The following EXOC4 variants were observed in gnomAD, a reference collection of about 807,000 sequenced individuals.
EXOC4 encodes the protein SEC8-like 1.
A neutral mutation model predicts 107.2 loss-of-function variants in EXOC4; 71 were observed. The observed-to-expected ratio is 0.66, with a 90% CI of 0.55 to 0.81. The LOEUF (loss-of-function observed/expected upper bound fraction) is 0.81. Among genes scored for constraint, EXOC4 ranks in the 30% least tolerant of loss-of-function variants. The pLI, the probability that EXOC4 is intolerant of heterozygous loss-of-function variation, is 0.00. For synonymous variants in EXOC4, 456 were observed against 441.2 expected (o/e 1.03, Z -0.42); for missense variants, 1,108 against 1,189.6 (o/e 0.93, Z 1.01).
chr7:133,578,405 G>T (rs1424285), intron 9 of EXOC4, among the ~76,000 whole-genome samples: 152,290 of 152,290 alleles, frequency 1, 76,145 homozygotes, highest in Non-Finnish European at 1. Context: ...ATGTGATTTT[G>T]GGATCTTAAG....
chr7:133,637,804 A>G (rs1802749438), intron 10 of EXOC4, among the ~76,000 whole-genome samples: 2 of 152,186 alleles, frequency 1.3e-5, no homozygotes, highest in Admixed American at 1.3e-4. Context: ...TGGAGATTAA[A>G]AAATTTCATT....
chr7:133,344,152 G>T (rs943216800), intron 5 of EXOC4, among the ~76,000 whole-genome samples: 4 of 151,532 alleles, frequency 2.6e-5, no homozygotes, highest in African/African-American at 9.7e-5. Flanking sequence ...TTTTCTGAGG[G>T]TCATCATTTT....
intron 11 of EXOC4, among the ~76,000 whole-genome samples, chr7:133,888,868 A>G (rs1330947481): frequency 6.6e-6 from 1 of 152,144 alleles, no homozygotes; most frequent in African/African-American, 2.4e-5. Flanking sequence ...ACTGGGGATG[A>G]TTATAGGATA....
At chr7:134,075,085 T>C in the EXOC4 span, among the ~76,000 whole-genome samples, 2 of 152,230 alleles carry the variant, frequency 1.3e-5, no homozygotes, top group African/African-American at 4.8e-5. Context: ...TCATGAAAAC[T>C]AGCCAAGGCA....
chr7:134,003,271 G>C (rs4731989), intron 15 of EXOC4, among the ~76,000 whole-genome samples: 28,903 of 152,082 alleles, frequency 0.19, 3,060 homozygotes, highest in East Asian at 0.42. Flanking sequence ...AAAAATAGAT[G>C]AGTGGTTGCC....
At chr7:134,048,205 A>G (rs1393325084) in intron 17 of EXOC4, among the ~76,000 whole-genome samples, 2 of 152,228 alleles carry the variant, frequency 1.3e-5, no homozygotes, top group Admixed American at 1.3e-4. Flanking sequence ...AGGTTTAACA[A>G]TAGTGATGTT....
chr7:133,749,931 T>C (rs1225558472), intron 10 of EXOC4, among the ~76,000 whole-genome samples: 2 of 150,772 alleles, frequency 1.3e-5, no homozygotes, highest in Non-Finnish European at 2.9e-5. Flanking sequence ...TCTCCCTTAT[T>C]GGGCTTCCTA....
chr7:133,529,778 A>C (rs1204152371), intron 9 of EXOC4, among the ~76,000 whole-genome samples: 1 of 152,194 alleles, frequency 6.6e-6, no homozygotes, highest in Non-Finnish European at 1.5e-5. Context: ...ACCATGTTAA[A>C]AATATCACTT....
intron 10 of EXOC4, among the ~76,000 whole-genome samples, chr7:133,776,915 T>C (rs1462156114): frequency 1.3e-5 from 2 of 152,164 alleles, no homozygotes; most frequent in Non-Finnish European, 2.9e-5. Flanking sequence ...CACTGCCATA[T>C]TAAAAATACG....
At chr7:133,463,206 A>G (rs1389405460) in intron 7 of EXOC4, among the ~76,000 whole-genome samples, 1 of 152,196 alleles carries the variant, frequency 6.6e-6, no homozygotes, top group Non-Finnish European at 1.5e-5. Flanking sequence ...GGTGATTTGG[A>G]GAACAAGACT....
chr7:133,589,720 T>C (rs1801495021), intron 9 of EXOC4, among the ~76,000 whole-genome samples: 1 of 152,204 alleles, frequency 6.6e-6, no homozygotes, highest in Non-Finnish European at 1.5e-5. Flanking sequence ...AATTAGGGCA[T>C]GAACAAGATT....
intron 10 of EXOC4, among the ~76,000 whole-genome samples, chr7:133,729,903 G>A (rs1795290961): frequency 6.6e-6 from 1 of 151,732 alleles, no homozygotes; most frequent in Non-Finnish European, 1.5e-5. Flanking sequence ...CCAGTCTCTT[G>A]GTCAAAGGTA....
At chr7:133,485,039 CACTGTACTCCA>C (rs1288283562) in intron 9 of EXOC4, among the ~76,000 whole-genome samples, 1 of 143,448 alleles carries the variant, frequency 7.0e-6, no homozygotes. Flanking sequence ...GAGATCGCGC[CACTGTACTCCA>C]ACCTGGGAGA....
At chr7:133,702,033 C>G (rs907200931) in intron 10 of EXOC4, among the ~76,000 whole-genome samples, 1 of 117,136 alleles carries the variant, frequency 8.5e-6, no homozygotes, top group Non-Finnish European at 1.6e-5. Flanking sequence ...CAGTATCTCC[C>G]TCTGTCACCC....
chr7:133,885,090 C>T (rs1292027975), intron 11 of EXOC4, among the ~76,000 whole-genome samples: 2 of 151,960 alleles, frequency 1.3e-5, no homozygotes, highest in African/African-American at 2.4e-5. Context: ...CCGAGACAGG[C>T]GGATCATGAG....
chr7:133,253,623 A>C, intron 1 of EXOC4: 1 of 605,742 alleles, frequency 1.7e-6, no homozygotes, highest in Non-Finnish European at 2.1e-6. Context: ...CACGAGTTGC[A>C]GATTTGTGTT....
chr7:133,540,295 T>A (rs1031389908), intron 9 of EXOC4, among the ~76,000 whole-genome samples: 2 of 152,220 alleles, frequency 1.3e-5, no homozygotes, highest in African/African-American at 4.8e-5. Context: ...GATTTCTTTT[T>A]TCTTCAAACT....
At chr7:134,075,345 T>C in the EXOC4 span, among the ~76,000 whole-genome samples, 1 of 152,310 alleles carries the variant, frequency 6.6e-6, no homozygotes, top group East Asian at 1.9e-4. Context: ...GAGCCTGTAT[T>C]AGTCCGTTTT....
rs904679667 is a variant in EXOC4 at position 133,483,642 on chromosome 7, A to C, written c.1417+3504A>C. 6.6e-5 allele frequency among the ~76,000 whole-genome samples: 10 copies of C among 152,390 alleles called. 1 individual carries two copies. The highest frequency in any genetic ancestry group is 6.8e-3 in the Middle Eastern group (2 of 294). ...TTAGCAACCACATTATGTTCCTAAT[A>C]ATCATTAAAAATACTTTAGGTGAGC... On this transcript the variant is annotated intron_variant, in intron 9 of 17. Transcript: ENST00000253861.
Sources: gnomAD v4.1 joint callset for allele counts (sites outside exome capture counted in the v4.1 genomes callset) on GRCh38, gnomAD v4.1.1 for gene constraint, MANE v1.5 for transcripts, NCBI Gene and HGNC (gene_info 2026-07-23, HGNC 2026-07-21) for gene names.